TNRC6A: variants seen among roughly 807,000 people sequenced by gnomAD.
TNRC6A encodes the protein trinucleotide repeat containing adaptor 6A, also known as trinucleotide repeat-containing gene 6A protein.
TNRC6A carries 44 observed loss-of-function variants against 221.2 expected under a neutral mutation model. The ratio of observed to expected loss-of-function variants is 0.20; its 90% CI spans 0.16 to 0.26. The LOEUF is 0.26. Ranked by LOEUF, TNRC6A falls within the 10% of genes least tolerant of loss-of-function variation. The pLI is 1.00. For missense variants in TNRC6A, 2,199 were observed against 2,404.4 expected, an observed-to-expected ratio of 0.91 and a Z score of 1.79; for synonymous variants, 847 against 838.5, an observed-to-expected ratio of 1.01 and a Z score of -0.18.
intron 4 of TNRC6A, among the ~76,000 whole-genome samples, chr16:24,764,943 A>G (rs2057440830): frequency 6.6e-6 from 1 of 152,252 alleles, no homozygotes; most frequent in Non-Finnish European, 1.5e-5. Context: ...AAAATAGAAC[A>G]ATTATAATCT....
At chr16:24,787,395 C>T (rs772025784) in intron 5 of TNRC6A, among the ~76,000 whole-genome samples, 1 of 152,158 alleles carries the variant, frequency 6.6e-6, no homozygotes, top group Non-Finnish European at 1.5e-5. Context: ...GTTTTGTCAT[C>T]TGCAAGTGAA....
chr16:24,685,527 T>A (rs951816488), intron 2 of TNRC6A, among the ~76,000 whole-genome samples: 4 of 152,136 alleles, frequency 2.6e-5, no homozygotes, highest in Non-Finnish European at 5.9e-5. Context: ...TTAGTAGAGA[T>A]GAAGTCTCAC....
intron 2 of TNRC6A, among the ~76,000 whole-genome samples, chr16:24,645,257 G>A (rs1391302987): frequency 6.6e-6 from 1 of 152,158 alleles, no homozygotes; most frequent in Non-Finnish European, 1.5e-5. Context: ...TATAATCCCA[G>A]CACTTTAGGA....
rs181861321 is a variant in TNRC6A at position 24,789,383 on chromosome 16, G to A, written c.741G>A (p.Pro247=). 4.5e-4 allele frequency: 732 copies of A among 1,614,220 alleles called. 4 individuals are homozygous for A. In the African/African-American group the frequency reaches 5.8e-3, roughly 13 times the overall value. The change falls in exon 6 of 25, where the codon CCG becomes CCA. Residue 247 remains proline, a synonymous_variant. Coordinates refer to ENST00000395799, the MANE Select transcript of TNRC6A (RefSeq NM_014494.4). ...EAWPSAPGSD[P]ELASECMDAD... is the part of the protein sequence containing the mutation. ...GGCCCTCAGCCCCTGGCAGTGATCC[G>A]GAGTTGGCTTCAGAATGTATGGATG... is the stretch of plus-strand genomic sequence containing the variant.
intron 2 of TNRC6A, among the ~76,000 whole-genome samples, chr16:24,711,748 A>G (rs1053858067): frequency 3.3e-5 from 5 of 151,880 alleles, no homozygotes; most frequent in Non-Finnish European, 5.9e-5. Flanking sequence ...CATTCTGGCT[A>G]TTGTTGTCTA....
Position 24,638,180 on chromosome 16 carries a change from G to A in TNRC6A, n.277-2704G>A, listed in dbSNP as rs1451669139. 5.3e-5 allele frequency among the ~76,000 whole-genome samples: 8 copies of A among 152,336 alleles called. No homozygotes were observed. In the East Asian group the frequency reaches 1.5e-3, roughly 29 times the overall value. ...CCACTATAATCCCAGCATTTTGGGA[G>A]GCCGAGGCAGGAGGATCACTTAAGC... On this transcript the variant is annotated intron_variant and non_coding_transcript_variant, in intron 1 of 2. Coordinates refer to the TNRC6A transcript ENST00000566108.
chr16:24,721,860 C>A (rs1467797160), intron 2 of TNRC6A, among the ~76,000 whole-genome samples: 1 of 152,156 alleles, frequency 6.6e-6, no homozygotes, highest in Non-Finnish European at 1.5e-5. Context: ...GAATGACTCT[C>A]ACAGGCACGT....
intron 2 of TNRC6A, among the ~76,000 whole-genome samples, chr16:24,680,546 A>G (rs2055511221): frequency 6.6e-6 from 1 of 151,834 alleles, no homozygotes; most frequent in African/African-American, 2.4e-5. Context: ...GTGAAACCTC[A>G]TCTCTACTAA....
At position 24,791,744 on chromosome 16, in the gene TNRC6A, C is replaced by T. The variant is rs1394670952; in HGVS notation, c.3102C>T (p.Asp1034=). ...KNVPNGNSRS[D]QQAQVHQLLT... ...TCCCAAATGGCAACAGCCGTTCAGA[C>T]CAGCAAGCACAGGTACATCAGCTGC... Residue 1034 remains aspartate, a synonymous_variant, in exon 6 of 25, where the codon GAC becomes GAT. Transcript: ENST00000395799. 6.2e-7 allele frequency: 1 copy of T among 1,609,616 alleles called. No homozygotes were observed. Among genetic ancestry groups the T allele is most frequent in the East Asian group, 2.2e-5 (1 of 44,690 alleles).
intron 2 of TNRC6A, chr16:24,665,074 A>G (rs773409889): frequency 1.8e-5 from 8 of 438,286 alleles, no homozygotes; most frequent in South Asian, 1.1e-4. Context: ...TTGTTTGTTT[A>G]TTTATGTTAG....
Position 24,675,696 on chromosome 16 carries a change from CTCTCTCTATATATATATATATATA to C in TNRC6A, n.402+34689_402+34712del, listed in dbSNP as rs1273563685. On this transcript the variant is annotated intron_variant and non_coding_transcript_variant, in intron 2 of 2. Coordinates refer to the TNRC6A transcript ENST00000566108. Reference sequence around the variant, plus strand: ...TCTCTCTCTCTCTCTCTCTCTCTCTCTCTCTCTATATATATATATATATATATATATATATATATATATATGCAC... The same window carrying C: ...TCTCTCTCTCTCTCTCTCTCTCTCTCTATATATATATATATATATATGCAC... Among the ~76,000 whole-genome samples, 30 of 76,098 alleles carry C rather than the reference CTCTCTCTATATATATATATATATA, an allele frequency of 3.9e-4. 1 individual carries two copies. The highest frequency in any genetic ancestry group is 2.5e-3 in the Admixed American group (18 of 7,246). The allele number at this position is 76,098 out of a possible 152,430, so 49.9% of individuals were successfully genotyped here. A position where few individuals can be genotyped will look rare whatever the true frequency, so the allele number is the denominator to read the frequency against.
chr16:24,712,955 GTGTA>G (rs930804079), intron 2 of TNRC6A, among the ~76,000 whole-genome samples: 7 of 144,004 alleles, frequency 4.9e-5, no homozygotes, highest in African/African-American at 1.5e-4. Context: ...GTGTGTGTGT[GTGTA>G]TAGAGGTGAG....
intron 1 of TNRC6A, among the ~76,000 whole-genome samples, chr16:24,613,774 G>A (rs1900200355): frequency 6.6e-6 from 1 of 152,074 alleles, no homozygotes; most frequent in Admixed American, 6.6e-5. Context: ...GACCTCAGGT[G>A]ATCCGCCTGC....
At chr16:24,812,736 ACAAAAATGAAATTGC>A (rs2058572207) in intron 18 of TNRC6A, among the ~76,000 whole-genome samples, 1 of 152,170 alleles carries the variant, frequency 6.6e-6, no homozygotes, top group Non-Finnish European at 1.5e-5. Flanking sequence ...TGATGTTCAC[ACAAAAATGAAATTGC>A]CTAGTTTCTC....
chr16:24,644,465 T>A (rs1902170742), intron 2 of TNRC6A, among the ~76,000 whole-genome samples: 1 of 152,054 alleles, frequency 6.6e-6, no homozygotes, highest in South Asian at 2.1e-4. Flanking sequence ...AGCTAATTTT[T>A]AAATATTTTG....
intron 2 of TNRC6A, among the ~76,000 whole-genome samples, chr16:24,742,511 A>G (rs1460989936): frequency 6.6e-6 from 1 of 152,240 alleles, no homozygotes; most frequent in Non-Finnish European, 1.5e-5. Context: ...GCAAGGAAGC[A>G]GGAATTGGAA....
chr16:24,678,696 C>A (rs950157588), intron 2 of TNRC6A, among the ~76,000 whole-genome samples: 1 of 152,150 alleles, frequency 6.6e-6, no homozygotes, highest in East Asian at 1.9e-4. Context: ...CAGAGTGAGA[C>A]CCTGCCTCAA....
At chr16:24,713,667 G>T (rs1169064670) in intron 2 of TNRC6A, among the ~76,000 whole-genome samples, 1 of 147,784 alleles carries the variant, frequency 6.8e-6, no homozygotes, top group African/African-American at 2.5e-5. Context: ...TTTTTTTTGA[G>T]ACAAAGTCTC....
At chr16:24,633,285 T>TA (rs1901446184) in intron 1 of TNRC6A, among the ~76,000 whole-genome samples, 1 of 152,234 alleles carries the variant, frequency 6.6e-6, no homozygotes. Flanking sequence ...GCCTTCAATT[T>TA]AAAGTACAGT....
Sources: gnomAD v4.1 joint callset for allele counts (sites outside exome capture counted in the v4.1 genomes callset) on GRCh38, gnomAD v4.1.1 for gene constraint, MANE v1.5 for transcripts, NCBI Gene and HGNC (gene_info 2026-07-23, HGNC 2026-07-21) for gene names.